PLD5: variants seen among roughly 807,000 people sequenced by gnomAD.
The protein encoded by PLD5 is phospholipase D family member 5.
PLD5 carries 36 observed loss-of-function variants against 61.1 expected under a neutral mutation model. The observed-to-expected ratio is 0.59, with a 90% CI of 0.45 to 0.78. The LOEUF is 0.78. Among genes scored for constraint, PLD5 ranks in the 30% least tolerant of loss-of-function variants. The probability of loss-of-function intolerance (pLI) is 0.00; values close to 1 mark genes in which losing one functional copy is unlikely to be tolerated. For synonymous variants in PLD5, 243 were observed against 242.8 expected (o/e 1.00, Z -0.01); for missense variants, 515 against 644.4 (o/e 0.80, Z 2.17).
intron 5 of PLD5, among the ~76,000 whole-genome samples, chr1:242,133,989 G>A (rs890611552): frequency 2.0e-5 from 3 of 152,174 alleles, no homozygotes; most frequent in African/African-American, 4.8e-5. Context: ...CCTGCTTTCT[G>A]TCGTCTTAGC....
intron 6 of PLD5, among the ~76,000 whole-genome samples, chr1:242,122,841 T>G (rs1484743203): frequency 6.6e-6 from 1 of 152,218 alleles, no homozygotes; most frequent in Non-Finnish European, 1.5e-5. Context: ...GGTGTTTTCC[T>G]TTGAACAGGC....
chr1:242,262,911 G>A (rs1673451949), intron 4 of PLD5, among the ~76,000 whole-genome samples: 1 of 151,936 alleles, frequency 6.6e-6, no homozygotes, highest in Non-Finnish European at 1.5e-5. Flanking sequence ...GAATTTACAG[G>A]GACCCTTGTG....
chr1:242,325,089 T>G (rs979842026), intron 2 of PLD5, among the ~76,000 whole-genome samples: 1 of 152,138 alleles, frequency 6.6e-6, no homozygotes, highest in Admixed American at 6.5e-5. Context: ...ATTGGCTCTA[T>G]CTGGGTAGGA....
At chr1:242,175,219 C>A (rs1667051205) in intron 5 of PLD5, among the ~76,000 whole-genome samples, 2 of 152,058 alleles carry the variant, frequency 1.3e-5, no homozygotes, top group African/African-American at 4.8e-5. Flanking sequence ...ACTGACAAAC[C>A]AAATCCAGCA....
intron 9 of PLD5, among the ~76,000 whole-genome samples, chr1:242,099,617 C>T (rs982438394): frequency 2.0e-5 from 3 of 152,302 alleles, no homozygotes; most frequent in East Asian, 1.9e-4. Context: ...TTCCCCCTAA[C>T]ATCTGTATTT....
chr1:242,401,311 A>G (rs1312191570), intron 1 of PLD5, among the ~76,000 whole-genome samples: 2 of 151,970 alleles, frequency 1.3e-5, no homozygotes, highest in Admixed American at 6.6e-5. Context: ...CTCATTCTTA[A>G]TCAGATAGTT....
chr1:242,247,802 G>A (rs1558394697), intron 4 of PLD5, among the ~76,000 whole-genome samples: 1 of 152,274 alleles, frequency 6.6e-6, no homozygotes, highest in South Asian at 2.1e-4. Context: ...CCAACATGTG[G>A]ATGATCCACT....
intron 2 of PLD5, among the ~76,000 whole-genome samples, chr1:242,316,067 G>A (rs896858666): frequency 1.3e-5 from 2 of 152,084 alleles, no homozygotes; most frequent in Non-Finnish European, 2.9e-5. Flanking sequence ...TTCCTCGTGT[G>A]GAAAAAGGAG....
intron 3 of PLD5, among the ~76,000 whole-genome samples, chr1:242,274,316 G>A (rs2149117140): frequency 6.6e-6 from 1 of 152,376 alleles, no homozygotes; most frequent in South Asian, 2.1e-4. Flanking sequence ...GGAAGGCCAT[G>A]TGGGGGCGGA....
At position 242,377,095 on chromosome 1, in the gene PLD5, G is replaced by T; in HGVS notation, c.190-28853C>A. On this transcript the variant is annotated intron_variant, in intron 1 of 9. Transcript: ENST00000536534. ...TCGTGGCTGGGTTTGTTCTCCTGTT[G>T]GTTATCTTCCCCAGCCCCATTTTGC... 9 of 1,611,700 alleles carry T rather than the reference G, an allele frequency of 5.6e-6. No individual in the cohort carries two copies. In the South Asian group the frequency reaches 9.9e-5, roughly 18 times the overall value.
intron 6 of PLD5, among the ~76,000 whole-genome samples, chr1:242,115,506 C>T (rs1422134714): frequency 6.6e-6 from 1 of 152,116 alleles, no homozygotes; most frequent in African/African-American, 2.4e-5. Context: ...CACCTCCAAC[C>T]TTACACAATT....
intron 1 of PLD5, among the ~76,000 whole-genome samples, chr1:242,508,754 A>G (rs569628631): frequency 2.0e-4 from 30 of 152,320 alleles, no homozygotes; most frequent in African/African-American, 6.7e-4. Flanking sequence ...AGAAAAAAAA[A>G]GTAGCCTAAT....
In PLD5 at chr1:242,377,026, C is replaced by T. The variant is rs201497132; in HGVS notation, c.190-28784G>A. ...TCAGTTTCAAAAGTTTTTGCGCACACTTTGCACTTTCTGTCTGACACGGTG... is the reference window on the plus strand; with the variant it reads ...TCAGTTTCAAAAGTTTTTGCGCACATTTTGCACTTTCTGTCTGACACGGTG... On this transcript the variant is annotated intron_variant, in intron 1 of 9. Transcript: ENST00000536534. 769 of 1,611,666 alleles carry T rather than the reference C, an allele frequency of 4.8e-4. 1 individual carries two copies. Among genetic ancestry groups the T allele is most frequent in the Non-Finnish European group, 3.9e-4 (457 of 1,179,738 alleles).
At chr1:242,108,080 T>C (rs2148687253) in intron 7 of PLD5, among the ~76,000 whole-genome samples, 1 of 152,248 alleles carries the variant, frequency 6.6e-6, no homozygotes, top group East Asian at 1.9e-4. Flanking sequence ...GTCCTTGGGC[T>C]GTGTGGGCTG....
rs145065616 is a variant in PLD5 at position 242,152,432 on chromosome 1, T to G, written c.736-27767A>C. Among the ~76,000 whole-genome samples the G allele has an allele frequency of 3.6e-3, 544 of 152,286 alleles. 6 individuals carry two copies. Among genetic ancestry groups the G allele is most frequent in the African/African-American group, 0.013 (530 of 41,528 alleles). ...CAGTATTGTTACATAGGTATACATG[T>G]GCCATGGTGGTTTGGTGCACCCATC... On this transcript the variant is annotated intron_variant, in intron 5 of 9. Transcript: ENST00000536534.
chr1:242,423,040 A>G (rs1665232947), intron 1 of PLD5, among the ~76,000 whole-genome samples: 1 of 151,590 alleles, frequency 6.6e-6, no homozygotes, highest in Non-Finnish European at 1.5e-5. Flanking sequence ...TAGTAGCGAC[A>G]AAGTCTCACT....
intron 5 of PLD5, chr1:242,188,747 G>A (rs74150828): frequency 6.6e-6 from 1 of 152,164 alleles, no homozygotes; most frequent in African/African-American, 2.4e-5. Flanking sequence ...AATGAAGAAC[G>A]GTCCTTCTCC....
chr1:242,344,520 G>A (rs1197913055), intron 2 of PLD5, among the ~76,000 whole-genome samples: 1 of 152,180 alleles, frequency 6.6e-6, no homozygotes, highest in East Asian at 1.9e-4. Context: ...AGTAGGTTGT[G>A]AATAGAGAAG....
chr1:242,174,877 C>G (rs797017138), intron 5 of PLD5, among the ~76,000 whole-genome samples: 4 of 152,046 alleles, frequency 2.6e-5, no homozygotes, highest in Non-Finnish European at 4.4e-5. Flanking sequence ...GGAAGGGGAA[C>G]GTCACACACC....
Sources: gnomAD v4.1 joint callset for allele counts (sites outside exome capture counted in the v4.1 genomes callset) on GRCh38, gnomAD v4.1.1 for gene constraint, MANE v1.5 for transcripts, NCBI Gene and HGNC (gene_info 2026-07-23, HGNC 2026-07-21) for gene names.